XKR7: variants seen among roughly 807,000 people sequenced by gnomAD.
XKR7 encodes the protein XK related 7.
XKR7 carries 11 observed loss-of-function variants against 42.2 expected under a neutral mutation model. The observed-to-expected ratio is 0.26, with a 90% CI of 0.16 to 0.43. XKR7 has a LOEUF of 0.43. Among genes scored for constraint, XKR7 ranks in the 20% least tolerant of loss-of-function variants. The probability of loss-of-function intolerance (pLI) is 1.00; values close to 1 mark genes in which losing one functional copy is unlikely to be tolerated. For missense variants in XKR7, 710 were observed against 802.2 expected, an observed-to-expected ratio of 0.89 and a Z score of 1.39; for synonymous variants, 346 against 366.4, an observed-to-expected ratio of 0.94 and a Z score of 0.64.
In XKR7 at chr20:31,996,674, C is replaced by T; in HGVS notation, c.957C>T (p.Leu319=). ...CCGCCCGCGGCCTGGCCTTCGCGCT[C>T]TTCGCCAGCGTCTACAAGCTCTATT... is the stretch of plus-strand genomic sequence containing the variant. ...SIAARGLAFA[L]FASVYKLYFG... Residue 319 remains leucine, a synonymous_variant, in exon 3 of 3, where the codon CTC becomes CTT. Transcript: ENST00000562532. 6.2e-7 allele frequency: 1 copy of T among 1,605,232 alleles called. No homozygotes were observed. The highest frequency in any genetic ancestry group is 8.5e-7 in the Non-Finnish European group (1 of 1,174,824).
chr20:31,995,208 C>T lies in XKR7; in HGVS notation c.725C>T (p.Pro242Leu). 1 of 1,545,984 alleles carries T rather than the reference C, an allele frequency of 6.5e-7. No individual in the cohort carries two copies. The part of the protein sequence containing the change: ...RLLETFLRSA[P>L]QLVLQLSLLV... ...CTGGAGACCTTCCTGCGCAGCGCGC[C>T]GCAGCTAGTGCTGCAGCTCAGCCTG... The change falls in exon 2 of 3, where the codon CCG (proline) becomes CTG (leucine). Residue 242 changes from proline to leucine, a missense_variant. By Grantham distance (98) the Pro-to-Leu change is moderately conservative. Around this residue, in one of 2 missense-constraint regions of XKR7, gnomAD observed 708 missense variants for 786.2 expected, o/e 0.90. Coordinates refer to ENST00000562532, the MANE Select transcript of XKR7 (RefSeq NM_001011718.2). The surrounding 1 kb of genome is among the most constrained non-coding windows in gnomAD (Gnocchi z 4.1).
rs1383742635 is a variant in XKR7 at position 31,968,249 on chromosome 20, G to T, written c.74G>T (p.Gly25Val). 9.7e-6 allele frequency: 11 copies of T among 1,138,634 alleles called. No individual in the cohort carries two copies. Among genetic ancestry groups the T allele is most frequent in the African/African-American group, 1.6e-5 (1 of 60,978 alleles). 70.5% of individuals were successfully genotyped at this position (1,138,634 alleles called of 1,614,324 possible). A position where few individuals can be genotyped will look rare whatever the true frequency, so the allele number is the denominator to read the frequency against. Residue 25 changes from glycine (G) to valine (V), a missense_variant, in exon 1 of 3, where the codon GGC becomes GTC. Gly to Val is a moderately radical substitution (Grantham distance 109). Around this residue, in one of 2 missense-constraint regions of XKR7, gnomAD observed 708 missense variants for 786.2 expected, o/e 0.90. Transcript: ENST00000562532. This position sits in a 1 kb window ranked among gnomAD's most constrained non-coding sequence, Gnocchi z 4.5. ...DPEGAAGGARGSAGGRGEAAA... is the reference protein window; with the variant it reads ...DPEGAAGGARVSAGGRGEAAA... ...GAGGGGGCTGCCGGTGGAGCCCGGG[G>T]CAGTGCCGGCGGGCGCGGGGAGGCG...
intron 1 of XKR7, among the ~76,000 whole-genome samples, chr20:31,988,353 G>A (rs2064552682): frequency 6.6e-6 from 1 of 152,170 alleles, no homozygotes; most frequent in South Asian, 2.1e-4. Flanking sequence ...GGCCTGGGGA[G>A]AAGGGAATGA....
intron 1 of XKR7, among the ~76,000 whole-genome samples, chr20:31,994,136 T>G (rs2064581152): frequency 6.6e-6 from 1 of 152,122 alleles, no homozygotes; most frequent in Non-Finnish European, 1.5e-5. Flanking sequence ...GGCACTGAGC[T>G]GTGAGGATCT....
At chr20:31,985,178 C>T (rs1390696508) in intron 1 of XKR7, among the ~76,000 whole-genome samples, 1 of 152,150 alleles carries the variant, frequency 6.6e-6, no homozygotes, top group African/African-American at 2.4e-5. Context: ...TCCCATCTGC[C>T]TCCCAGCCCC....
Position 31,968,573 on chromosome 20 carries a change from T to C in XKR7, c.398T>C (p.Val133Ala), listed in dbSNP as rs765120561. ...CCCGCCGTCAGCACCAAGGACAGCG[T>C]AGCCGGCGGAGCCGCCATCAGCACC... ...PGPAVSTKDS[V>A]AGGAAISTKD... The change falls in exon 1 of 3, where the codon GTA becomes GCA. Residue 133 changes from valine (V) to alanine (A), a missense_variant. By Grantham distance (64) the Val-to-Ala change is moderately conservative (BLOSUM62 0). Coordinates refer to ENST00000562532, the MANE Select transcript of XKR7 (RefSeq NM_001011718.2). The surrounding 1 kb of genome is among the most constrained non-coding windows in gnomAD (Gnocchi z 4.5). 4 of 1,609,876 alleles carry C rather than the reference T, an allele frequency of 2.5e-6. No individual in the cohort carries two copies. The highest frequency in any genetic ancestry group is 2.2e-5 in the East Asian group (1 of 44,734).
intron 1 of XKR7, among the ~76,000 whole-genome samples, chr20:31,988,095 C>T (rs777396600): frequency 5.3e-5 from 8 of 152,176 alleles, no homozygotes; most frequent in Non-Finnish European, 1.2e-4. Context: ...CAGGCTTGGG[C>T]CCAGGTTTGA....
At position 31,992,052 on chromosome 20, in the gene XKR7, G is replaced by A. The variant is rs563247215; in HGVS notation, c.585-3016G>A. ...GAATCGCTTGAACTCTGGAAGCGGA[G>A]GTTGTGGTGAGCCGAGATCACACCA... On this transcript the variant is annotated intron_variant, in intron 1 of 2. Coordinates refer to ENST00000562532, the MANE Select transcript of XKR7 (RefSeq NM_001011718.2). Among the ~76,000 whole-genome samples the A allele has an allele frequency of 3.3e-5, 5 of 151,934 alleles. No homozygotes were observed. The East Asian group carries it at 7.8e-4, about 24-fold the overall frequency.
chr20:31,968,690 G>A lies in XKR7; in HGVS notation c.515G>A (p.Arg172His). Residue 172 changes from arginine to histidine, a missense_variant, in exon 1 of 3, where the codon CGC becomes CAC. By Grantham distance (29) the Arg-to-His change is conservative. Around this residue, in one of 2 missense-constraint regions of XKR7, gnomAD observed 708 missense variants for 786.2 expected, o/e 0.90. Transcript: ENST00000562532. The surrounding 1 kb of genome is among the most constrained non-coding windows in gnomAD (Gnocchi z 4.5). ...TCCTCGGCCAGCGCCTACCGCCGCC[G>A]CTGCTGCCGCCTCTGCATCTGGCTG... is the stretch of plus-strand genomic sequence containing the variant. ...APSSASAYRR[R>H]CCRLCIWLLQ... The A allele has an allele frequency of 6.4e-7, 1 of 1,565,696 alleles. No individual in the cohort carries two copies. The highest frequency in any genetic ancestry group is 1.8e-5 in the Admixed American group (1 of 54,988).
At chr20:31,983,792 C>T (rs953238128) in intron 1 of XKR7, among the ~76,000 whole-genome samples, 1 of 151,954 alleles carries the variant, frequency 6.6e-6, no homozygotes, top group Non-Finnish European at 1.5e-5. Context: ...ACTAAAAATA[C>T]AAAAATTAGC....
intron 1 of XKR7, among the ~76,000 whole-genome samples, chr20:31,984,196 G>A (rs1485360660): frequency 6.6e-6 from 1 of 152,008 alleles, no homozygotes; most frequent in Non-Finnish European, 1.5e-5. Flanking sequence ...GGGACGTGGA[G>A]GTTGCAGTGA....
At chr20:31,979,558 A>G (rs2122257961) in intron 1 of XKR7, among the ~76,000 whole-genome samples, 1 of 152,366 alleles carries the variant, frequency 6.6e-6, no homozygotes, top group African/African-American at 2.4e-5. Context: ...TGGAACTGAC[A>G]GGTGGCTGCC....
At chr20:31,979,581 C>T (rs1051251289) in intron 1 of XKR7, among the ~76,000 whole-genome samples, 3 of 152,168 alleles carry the variant, frequency 2.0e-5, no homozygotes, top group African/African-American at 7.2e-5. Context: ...TGTAGACAGG[C>T]CACATAGTTC....
At chr20:31,983,632 T>C (rs2064523729) in intron 1 of XKR7, among the ~76,000 whole-genome samples, 1 of 151,968 alleles carries the variant, frequency 6.6e-6, no homozygotes, top group Non-Finnish European at 1.5e-5. Flanking sequence ...ACCTCAAGGG[T>C]CATGGTGAAG....
rs781465461 is a variant in XKR7 at position 31,986,875 on chromosome 20, C to CACAG, written c.585-8174_585-8171dup. Among the ~76,000 whole-genome samples the CACAG allele has an allele frequency of 5.9e-4, 86 of 146,762 alleles. 1 individual carries two copies. Among genetic ancestry groups the CACAG allele is most frequent in the African/African-American group, 1.9e-3 (76 of 39,706 alleles). On this transcript the variant is annotated intron_variant, in intron 1 of 2. Coordinates refer to ENST00000562532, the MANE Select transcript of XKR7 (RefSeq NM_001011718.2). ...CACCAAACAGATCCAGTATCCAAGA[C>CACAG]ACAGACAGACAGACAGACAGACCAC...
intron 1 of XKR7, among the ~76,000 whole-genome samples, chr20:31,972,750 T>C (rs2064470338): frequency 6.6e-6 from 1 of 152,164 alleles, no homozygotes; most frequent in African/African-American, 2.4e-5. Context: ...AATTAGGCAA[T>C]TGGGATTTAG....
In XKR7 at chr20:31,968,502, C is replaced by G. The variant is rs771874492; in HGVS notation, c.327C>G (p.Phe109Leu). ...CGCTGGTCGTGCAGTTACTGAGCTT[C>G]CGCTGGTTCGTCTACGACTACTCGG... ...LPSLVVQLLSFRWFVYDYSEP... is the reference protein window; with the variant it reads ...LPSLVVQLLSLRWFVYDYSEP... Residue 109 changes from phenylalanine (F) to leucine (L), a missense_variant, in exon 1 of 3, where the codon TTC becomes TTG. By Grantham distance (22) the Phe-to-Leu change is conservative. This residue lies in a region of XKR7 where 708 missense variants were observed against 786.2 expected (regional missense o/e 0.90). Coordinates refer to ENST00000562532, the MANE Select transcript of XKR7 (RefSeq NM_001011718.2). This position sits in a 1 kb window ranked among gnomAD's most constrained non-coding sequence, Gnocchi z 4.5. The G allele has an allele frequency of 6.2e-6, 10 of 1,613,180 alleles. No homozygotes were observed. The African/African-American group carries it at 1.3e-4, about 22-fold the overall frequency.
At chr20:31,976,321 TACAA>T (rs1398102695) in intron 1 of XKR7, among the ~76,000 whole-genome samples, 1 of 152,156 alleles carries the variant, frequency 6.6e-6, no homozygotes, top group Non-Finnish European at 1.5e-5. Context: ...AGTGTATTCT[TACAA>T]ACAATCAATC....
intron 1 of XKR7, among the ~76,000 whole-genome samples, chr20:31,978,889 C>T (rs1256117522): frequency 6.6e-6 from 1 of 152,038 alleles, no homozygotes; most frequent in Non-Finnish European, 1.5e-5. Flanking sequence ...AATCCCAGCA[C>T]TTTGGGAGGC....
Sources: gnomAD v4.1 joint callset for allele counts (sites outside exome capture counted in the v4.1 genomes callset) on GRCh38, gnomAD v4.1.1 for gene constraint, gnomAD v4.1.1 regional missense constraint, Gnocchi (gnomAD v3.1) non-coding constraint, MANE v1.5 for transcripts, NCBI Gene and HGNC (gene_info 2026-07-23, HGNC 2026-07-21) for gene names.